RAB38: variants seen among roughly 807,000 people sequenced by gnomAD.
RAB38 encodes the protein RAB38, member RAS oncogene family, also known as ras-related protein Rab-38.
Under a neutral mutation model 18.4 loss-of-function variants are expected in RAB38, and 15 were observed. The observed-to-expected ratio is 0.82, with a 90% CI of 0.55 to 1.26. RAB38 has a LOEUF of 1.26. Among genes scored for constraint, RAB38 ranks in the 50% most tolerant of loss-of-function variants. The pLI, the probability that RAB38 is intolerant of heterozygous loss-of-function variation, is 0.00. For missense variants in RAB38, 294 were observed against 267.4 expected (o/e 1.10, Z -0.69); for synonymous variants, 101 against 104.4 (o/e 0.97, Z 0.20).
At chr11:87,916,556 A>T in the RAB38 span, among the ~76,000 whole-genome samples, 1 of 152,122 alleles carries the variant, frequency 6.6e-6, no homozygotes, top group Non-Finnish European at 1.5e-5. Flanking sequence ...ACCTCACTAG[A>T]TACCAACAAT....
At chr11:88,088,661 G>C in the RAB38 span, among the ~76,000 whole-genome samples, 1 of 151,814 alleles carries the variant, frequency 6.6e-6, no homozygotes, top group Admixed American at 6.6e-5. Context: ...GTCACGACCA[G>C]AGTTAGTTTT....
At chr11:88,160,714 G>A (rs1387562400) in intron 1 of RAB38, among the ~76,000 whole-genome samples, 5 of 152,120 alleles carry the variant, frequency 3.3e-5, no homozygotes, top group African/African-American at 9.7e-5. Flanking sequence ...ATTACCCTAA[G>A]TGAATTAATG....
chr11:88,110,215 C>T (rs190347769), downstream of RAB38, among the ~76,000 whole-genome samples: 12 of 152,120 alleles, frequency 7.9e-5, no homozygotes, highest in East Asian at 3.9e-4. Flanking sequence ...ATGTCCTTTT[C>T]GGGGATATGG....
chr11:87,908,235 C>T, the RAB38 span, among the ~76,000 whole-genome samples: 1 of 151,784 alleles, frequency 6.6e-6, no homozygotes, highest in Non-Finnish European at 1.5e-5. Flanking sequence ...AGATCAAAGC[C>T]CTGTTATGAA....
At chr11:87,845,554 C>A in the RAB38 span, among the ~76,000 whole-genome samples, 2 of 151,838 alleles carry the variant, frequency 1.3e-5, no homozygotes, top group African/African-American at 2.4e-5. Flanking sequence ...GGGATGATAT[C>A]AAAGATTGAA....
At chr11:87,948,335 C>T in the RAB38 span, among the ~76,000 whole-genome samples, 2 of 152,184 alleles carry the variant, frequency 1.3e-5, no homozygotes, top group Non-Finnish European at 2.9e-5. Flanking sequence ...ACCATGTCAT[C>T]TGCAAACAGG....
At chr11:87,953,784 CT>C in the RAB38 span, among the ~76,000 whole-genome samples, 2 of 151,442 alleles carry the variant, frequency 1.3e-5, no homozygotes, top group South Asian at 2.1e-4. Context: ...TTGCTTCCCC[CT>C]GAACAATACT....
chr11:87,976,299 C>T, the RAB38 span, among the ~76,000 whole-genome samples: 1 of 140,578 alleles, frequency 7.1e-6, no homozygotes, highest in East Asian at 2.1e-4. Context: ...TACATACACA[C>T]ATATATATAC....
the RAB38 span, among the ~76,000 whole-genome samples, chr11:88,039,650 C>G: frequency 0.017 from 2,594 of 152,162 alleles, 73 homozygotes; most frequent in African/African-American, 0.06. Flanking sequence ...GGGAGTCTAC[C>G]AAGAGGGGAA....
the RAB38 span, among the ~76,000 whole-genome samples, chr11:87,854,602 C>G: frequency 3.3e-5 from 5 of 151,976 alleles, no homozygotes; most frequent in Non-Finnish European, 5.9e-5. Context: ...TCCTAGAAAC[C>G]AAAATTTAGA....
the RAB38 span, among the ~76,000 whole-genome samples, chr11:88,043,326 G>A: frequency 1.3e-5 from 2 of 152,092 alleles, no homozygotes; most frequent in East Asian, 1.9e-4. Flanking sequence ...CAGCGTTCCT[G>A]GAGAGAAAAG....
the RAB38 span, among the ~76,000 whole-genome samples, chr11:87,968,369 G>A: frequency 6.6e-6 from 1 of 152,128 alleles, no homozygotes; most frequent in Admixed American, 6.6e-5. Context: ...CACCTAGCTA[G>A]AGACTACATT....
the RAB38 span, among the ~76,000 whole-genome samples, chr11:87,835,143 G>A: frequency 1.3e-5 from 2 of 152,182 alleles, no homozygotes; most frequent in African/African-American, 2.4e-5. Context: ...TTGGAGAAAC[G>A]AATGTATTGG....
the RAB38 span, among the ~76,000 whole-genome samples, chr11:88,107,977 TGA>T: frequency 1.3e-5 from 2 of 152,208 alleles, no homozygotes; most frequent in African/African-American, 4.8e-5. Context: ...CACTGTGGTC[TGA>T]GAGACTTGTT....
At chr11:88,174,906 A>C (rs186594599) in intron 1 of RAB38, among the ~76,000 whole-genome samples, 2 of 152,354 alleles carry the variant, frequency 1.3e-5, no homozygotes, top group East Asian at 3.9e-4. Flanking sequence ...AATTGCAGAC[A>C]ATCTTCCTCT....
At chr11:88,136,470 G>A (rs771295429) in intron 2 of RAB38, among the ~76,000 whole-genome samples, 1 of 152,134 alleles carries the variant, frequency 6.6e-6, no homozygotes, top group Non-Finnish European at 1.5e-5. Flanking sequence ...GAGGGCAAAC[G>A]TGTCTTAGTA....
the RAB38 span, among the ~76,000 whole-genome samples, chr11:87,842,838 ACACACAC>A: frequency 6.6e-6 from 1 of 150,820 alleles, no homozygotes; most frequent in Admixed American, 6.6e-5. Flanking sequence ...ACACACACAC[ACACACAC>A]AAATCCCTTT....
At chr11:88,108,094 C>A in the RAB38 span, among the ~76,000 whole-genome samples, 4 of 152,108 alleles carry the variant, frequency 2.6e-5, no homozygotes, top group African/African-American at 9.7e-5. Flanking sequence ...AATGTATATA[C>A]TATTGATTTG....
the RAB38 span, among the ~76,000 whole-genome samples, chr11:88,008,173 C>T: frequency 1.3e-5 from 2 of 152,024 alleles, no homozygotes; most frequent in East Asian, 3.9e-4. Context: ...CGTCAGATCT[C>T]CTGAAATTAT....
Sources: gnomAD v4.1 joint callset for allele counts (sites outside exome capture counted in the v4.1 genomes callset) on GRCh38, gnomAD v4.1.1 for gene constraint, MANE v1.5 for transcripts, NCBI Gene and HGNC (gene_info 2026-07-23, HGNC 2026-07-21) for gene names.